The following TBC1D5 variants were observed in gnomAD, a reference collection of about 807,000 sequenced individuals.
TBC1D5 encodes TBC1 domain family, member 5.
TBC1D5 carries 75 observed loss-of-function variants against 100.3 expected under a neutral mutation model. The ratio of observed to expected loss-of-function variants is 0.75; its 90% confidence interval spans 0.62 to 0.91. TBC1D5 has a LOEUF of 0.91. TBC1D5 is among the 40% of genes least tolerant of loss of function. TBC1D5 has a pLI of 0.00. For synonymous variants in TBC1D5, 323 were observed against 325.6 expected, an observed-to-expected ratio of 0.99 and a Z score of 0.09; for missense variants, 910 against 942.4, an observed-to-expected ratio of 0.97 and a Z score of 0.45.
At chr3:17,704,142 T>A (rs2073626532) in intron 1 of TBC1D5, among the ~76,000 whole-genome samples, 1 of 142,080 alleles carries the variant, frequency 7.0e-6, no homozygotes, top group African/African-American at 2.6e-5. Context: ...CATGCTGCCT[T>A]CAAGCATCTG....
chr3:17,200,322 C>T (rs771052422), intron 18 of TBC1D5, among the ~76,000 whole-genome samples: 20 of 152,186 alleles, frequency 1.3e-4, no homozygotes, highest in Non-Finnish European at 2.5e-4. Flanking sequence ...TAGTTGTTCG[C>T]GGCCTGTTAG....
At chr3:17,225,651 G>A (rs2074807222) in intron 17 of TBC1D5, among the ~76,000 whole-genome samples, 1 of 151,880 alleles carries the variant, frequency 6.6e-6, no homozygotes, top group African/African-American at 2.4e-5. Flanking sequence ...CAGAGTAGTG[G>A]TGCGTGCCTG....
chr3:17,681,072 C>T (rs1259482173), intron 1 of TBC1D5, among the ~76,000 whole-genome samples: 1 of 151,394 alleles, frequency 6.6e-6, no homozygotes, highest in Non-Finnish European at 1.5e-5. Flanking sequence ...TGTACTTTTA[C>T]TTGTCATAAT....
At chr3:17,445,433 GATATATA>G (rs1283957455) in intron 3 of TBC1D5, among the ~76,000 whole-genome samples, 1 of 151,324 alleles carries the variant, frequency 6.6e-6, no homozygotes, top group Non-Finnish European at 1.5e-5. Context: ...GAAATAAAAA[GATATATA>G]ATATATAAGC....
At chr3:17,192,062 T>A (rs1263727644) in intron 18 of TBC1D5, among the ~76,000 whole-genome samples, 1 of 151,998 alleles carries the variant, frequency 6.6e-6, no homozygotes, top group Non-Finnish European at 1.5e-5. Flanking sequence ...TAGAAAAAAA[T>A]AATGGATAGT....
At chr3:17,572,469 A>G (rs2096633455) in intron 2 of TBC1D5, among the ~76,000 whole-genome samples, 1 of 151,826 alleles carries the variant, frequency 6.6e-6, no homozygotes, top group South Asian at 2.1e-4. Flanking sequence ...CTTTTTCACC[A>G]ATATATAAAC....
At chr3:17,295,037 G>C (rs138820947) in intron 14 of TBC1D5, among the ~76,000 whole-genome samples, 1 of 152,206 alleles carries the variant, frequency 6.6e-6, no homozygotes, top group African/African-American at 2.4e-5. Flanking sequence ...AAGCAGGGCA[G>C]AGACATGAAG....
chr3:17,739,205 A>G (rs960720906), intron 1 of TBC1D5: 2 of 152,244 alleles, frequency 1.3e-5, no homozygotes, highest in African/African-American at 4.8e-5. Flanking sequence ...GAAATGTCTC[A>G]GGATCAGGTG....
Position 17,539,335 on chromosome 3 carries a change from C to G in TBC1D5, c.-35-30730G>C, listed in dbSNP as rs548996361. Among the ~76,000 whole-genome samples the G allele has an allele frequency of 2.6e-5, 4 of 152,228 alleles. No homozygotes were observed. In the South Asian group the frequency reaches 6.2e-4, roughly 24 times the overall value. On this transcript the variant is annotated intron_variant, in intron 2 of 21. Coordinates refer to ENST00000253692, the Ensembl canonical transcript of TBC1D5. The stretch of plus-strand genomic sequence containing the variant: ...TAGACTGTAAATGTTTCTTATGAGA[C>G]TTAAAATGATGAAAGACTCAGATAA...
intron 13 of TBC1D5, 85 bp from the exon 14 acceptor site, chr3:17,308,219 A>G (rs980559891): frequency 7.4e-7 from 1 of 1,350,048 alleles, no homozygotes; most frequent in Non-Finnish European, 9.8e-7. Flanking sequence ...GTGAAAAACT[A>G]TTAACTGAAC....
chr3:17,518,223 C>T (rs570495526), intron 2 of TBC1D5, among the ~76,000 whole-genome samples: 11 of 152,290 alleles, frequency 7.2e-5, no homozygotes, highest in Middle Eastern at 3.4e-3. Flanking sequence ...CTGAAACCCA[C>T]AGCCCAAAGT....
chr3:17,517,881 A>C (rs1375757470), intron 2 of TBC1D5, among the ~76,000 whole-genome samples: 1 of 152,174 alleles, frequency 6.6e-6, no homozygotes, highest in East Asian at 1.9e-4. Flanking sequence ...ATGGAAAAAA[A>C]ATTATATGTA....
chr3:17,680,984 G>A (rs895139363), intron 1 of TBC1D5, among the ~76,000 whole-genome samples: 12 of 151,360 alleles, frequency 7.9e-5, no homozygotes, highest in Admixed American at 3.9e-4. Context: ...ATCAGTGCAG[G>A]GACCCAAACT....
chr3:17,494,228 G>A (rs942387569), intron 3 of TBC1D5, among the ~76,000 whole-genome samples: 7 of 152,046 alleles, frequency 4.6e-5, no homozygotes, highest in East Asian at 1.9e-4. Flanking sequence ...CCCCCAACCC[G>A]GCACCTGTAG....
chr3:17,552,056 A>G (rs1334461366), intron 2 of TBC1D5, among the ~76,000 whole-genome samples: 1 of 152,104 alleles, frequency 6.6e-6, no homozygotes, highest in African/African-American at 2.4e-5. Flanking sequence ...AGCAGTATAC[A>G]TTTGTAGTTT....
At chr3:17,700,480 G>C (rs2072991094) in intron 1 of TBC1D5, among the ~76,000 whole-genome samples, 1 of 152,118 alleles carries the variant, frequency 6.6e-6, no homozygotes, top group Non-Finnish European at 1.5e-5. Context: ...TTGACAAATG[G>C]GATCTAATTA....
intron 1 of TBC1D5, among the ~76,000 whole-genome samples, chr3:17,640,943 T>G (rs992874708): frequency 6.6e-6 from 1 of 151,444 alleles, no homozygotes; most frequent in Admixed American, 6.6e-5. Flanking sequence ...AATACAAAAA[T>G]TCTAAATCAA....
intron 1 of TBC1D5, among the ~76,000 whole-genome samples, chr3:17,662,781 A>G (rs1481001016): frequency 6.6e-6 from 1 of 152,204 alleles, no homozygotes; most frequent in African/African-American, 2.4e-5. Flanking sequence ...TAGGTAAGGA[A>G]AGCAATTTAG....
intron 12 of TBC1D5, among the ~76,000 whole-genome samples, chr3:17,372,956 A>C (rs1187431866): frequency 6.6e-6 from 1 of 152,174 alleles, no homozygotes; most frequent in Non-Finnish European, 1.5e-5. Flanking sequence ...AGGCTTTACG[A>C]GTCATACAGT....
Sources: allele counts gnomAD v4.1 joint callset (sites outside exome capture counted in the v4.1 genomes callset), GRCh38; gene constraint gnomAD v4.1.1; transcripts MANE v1.5; gene names NCBI Gene and HGNC (gene_info 2026-07-23, HGNC 2026-07-21).